Variants in LCT observed in about 807,000 individuals in gnomAD.
LCT encodes the protein lactase/phlorizin hydrolase.
A neutral mutation model predicts 173.0 loss-of-function variants in LCT; 90 were observed. The ratio of observed to expected loss-of-function variants is 0.52; its 90% CI spans 0.44 to 0.62. LCT has a LOEUF of 0.62. LCT is among the 20% of genes least tolerant of loss of function. LCT has a pLI of 0.00. For missense variants in LCT, 1,864 were observed against 2,431.4 expected (o/e 0.77, Z 4.91); for synonymous variants, 853 against 957.6 (o/e 0.89, Z 2.02).
In LCT at chr2:135,836,749, G is replaced by C. The variant is rs571532353; in HGVS notation, c.421C>G (p.Leu141Val). 1.9e-6 allele frequency: 3 copies of C among 1,614,080 alleles called. No homozygotes were observed. Among genetic ancestry groups the C allele is most frequent in the East Asian group, 4.5e-5 (2 of 44,892 alleles). Reference protein sequence around the residue: ...LHHQTLPASTLRRTEAFADLF... With the variant: ...LHHQTLPASTVRRTEAFADLF... ...TCAGCAAAGGCTTCGGTTCTCCGGA[G>C]GGTGCTGGCAGGGAGGGTCTGGTGG... The change falls in exon 1 of 17, where the codon CTC becomes GTC. Residue 141 changes from leucine (L) to valine (V), a missense_variant. By Grantham distance (32) the Leu-to-Val change is conservative. Transcript: ENST00000264162.
Position 135,788,408 on chromosome 2 carries a change from A to T in LCT, c.5700T>A (p.Phe1900Leu), listed in dbSNP as rs1323680155. ...AGCGCTTGCAGTACTTGTATGACAG[A>T]AATGCCAAGCCACAGACTCCAAGAA... ...LVLLGVCGLA[F>L]LSYKYCKRSK... Residue 1900 changes from phenylalanine to leucine, a missense_variant, in exon 17 of 17, where the codon TTT becomes TTA. Phe to Leu is a conservative substitution (Grantham distance 22). Transcript: ENST00000264162. 6.2e-7 allele frequency: 1 copy of T among 1,614,166 alleles called. No homozygotes were observed.
At chr2:135,795,213 A>ATTT (rs5834447) in intron 13 of LCT, among the ~76,000 whole-genome samples, 1 of 147,518 alleles carries the variant, frequency 6.8e-6, no homozygotes, top group South Asian at 2.1e-4. Context: ...ATCTTGTATA[A>ATTT]TTTTTTTTTT....
At chr2:135,795,273 T>C (rs2105521145) in intron 13 of LCT, among the ~76,000 whole-genome samples, 1 of 152,122 alleles carries the variant, frequency 6.6e-6, no homozygotes, top group South Asian at 2.1e-4. Context: ...AGTGGCGCGA[T>C]CTCAGCTCAC....
rs1435848302 is a variant in LCT, at chr2:135,817,681, G to C, written c.1367C>G (p.Ser456Cys). ...CCCCATGGGGAAGATCCGGGACCAGGAGATGGAGAACTTGTACACCTGAGC... is the reference window on the plus strand; with the variant it reads ...CCCCATGGGGAAGATCCGGGACCAGCAGATGGAGAACTTGTACACCTGAGC... ...LRAQVYKFSI[S>C]WSRIFPMGHG... The change falls in exon 6 of 17, where the codon TCC becomes TGC. Residue 456 changes from serine (S) to cysteine (C), a missense_variant. Coordinates refer to ENST00000264162, the MANE Select transcript of LCT (RefSeq NM_002299.4). The C allele has an allele frequency of 1.9e-6, 3 of 1,613,958 alleles. No individual in the cohort carries two copies. The highest frequency in any genetic ancestry group is 3.3e-5 in the Admixed American group (2 of 60,018).
chr2:135,836,708 A>G lies in LCT; in HGVS notation c.462T>C (p.Tyr154=). ...CGAAGGAGTGGAAGGCGAATGTGGC[A>G]TAGTCGGCGAAGAGGTCAGCAAAGG... The part of the protein sequence containing the change: ...TEAFADLFAD[Y]ATFAFHSFGD... The change falls in exon 1 of 17, where the codon TAT becomes TAC. Residue 154 remains tyrosine, a synonymous_variant. Coordinates refer to ENST00000264162, the MANE Select transcript of LCT (RefSeq NM_002299.4). 2 of 1,614,192 alleles carry G rather than the reference A, an allele frequency of 1.2e-6. No homozygotes were observed. Among genetic ancestry groups the G allele is most frequent in the Non-Finnish European group, 1.7e-6 (2 of 1,180,024 alleles).
chr2:135,832,076 C>T (rs934808405), intron 2 of LCT, among the ~76,000 whole-genome samples: 15 of 151,924 alleles, frequency 9.9e-5, no homozygotes, highest in South Asian at 2.1e-4. Flanking sequence ...ATTAGCCGGG[C>T]GTGGTGGTGC....
rs748568703 is a variant in LCT at position 135,808,984 on chromosome 2, C to T, written c.3363G>A (p.Ser1121=). 20 of 1,611,208 alleles carry T rather than the reference C, an allele frequency of 1.2e-5. No individual in the cohort carries two copies. The East Asian group carries it at 3.6e-4, about 29-fold the overall frequency. The change falls in exon 8 of 17, where the codon TCG becomes TCA. Residue 1121 remains serine, a synonymous_variant. Transcript: ENST00000264162. ...CTGCCCAGTGTGTACTGAGGCTCAG[C>T]GAGATGACCCCCTTCTGCTCCTGCC... is the stretch of plus-strand genomic sequence containing the variant. The part of the protein sequence containing the change: ...KYRQEQKGVI[S]LSLSTHWAEP...
intron 1 of LCT, 62 bp from the exon 2 acceptor site, chr2:135,833,252 A>G: frequency 1.8e-6 from 2 of 1,130,360 alleles, no homozygotes; most frequent in South Asian, 1.2e-5. Flanking sequence ...GACTGTGGAA[A>G]CCACTGGGGG....
intron 10 of LCT, 61 bp downstream of exon 10, chr2:135,804,706 C>A (rs2077654286): frequency 2.7e-6 from 4 of 1,464,106 alleles, no homozygotes; most frequent in Non-Finnish European, 3.8e-6. Context: ...AAATGTGCTC[C>A]CCCAGCCCTG....
intron 6 of LCT, among the ~76,000 whole-genome samples, chr2:135,815,649 C>T (rs2077774364): frequency 6.6e-6 from 1 of 151,956 alleles, no homozygotes; most frequent in South Asian, 2.1e-4. Context: ...GCTGTGACCC[C>T]TCTTTAACAC....
chr2:135,834,131 T>A (rs1241517599), intron 1 of LCT, among the ~76,000 whole-genome samples: 1 of 152,188 alleles, frequency 6.6e-6, no homozygotes, highest in Non-Finnish European at 1.5e-5. Context: ...AGTGGATATC[T>A]GGGTTGCTTC....
intron 9 of LCT, among the ~76,000 whole-genome samples, chr2:135,805,781 T>C (rs1047902110): frequency 4.6e-5 from 7 of 152,234 alleles, no homozygotes; most frequent in African/African-American, 1.4e-4. Flanking sequence ...TCCTATTGCC[T>C]AGTGCTTTGC....
chr2:135,791,553 C>G (rs1678398803), intron 14 of LCT, among the ~76,000 whole-genome samples: 1 of 148,266 alleles, frequency 6.7e-6, no homozygotes, highest in South Asian at 2.3e-4. Context: ...ACACTCAGAT[C>G]TTTCAGGGAA....
Position 135,825,706 on chromosome 2 carries a change from G to A in LCT, c.805-1703C>T, listed in dbSNP as rs563502258. Among the ~76,000 whole-genome samples, 8 of 152,334 alleles carry A rather than the reference G, an allele frequency of 5.3e-5. No homozygotes were observed. The East Asian group carries it at 5.8e-4, about 11-fold the overall frequency. On this transcript the variant is annotated intron_variant, in intron 3 of 16. Transcript: ENST00000264162. ...TCAGGCCCTCAGACAGCTGTGTGCC[G>A]TTGGGGAGTGGCCGCTGAGGGCCCC... is the stretch of plus-strand genomic sequence containing the variant.
intron 13 of LCT, among the ~76,000 whole-genome samples, chr2:135,795,795 C>T (rs150653183): frequency 1.6e-3 from 246 of 151,742 alleles, no homozygotes; most frequent in African/African-American, 4.8e-3. Context: ...GGACACTGCA[C>T]GCCCCCTGAG....
intron 12 of LCT, 142 bp downstream of exon 12, chr2:135,800,465 T>C: frequency 1.3e-6 from 1 of 755,750 alleles, no homozygotes. Context: ...CCTCAAGAAA[T>C]CCTCCTGCCT....
chr2:135,789,176 T>C (rs1335275839), intron 16 of LCT, among the ~76,000 whole-genome samples: 3 of 152,272 alleles, frequency 2.0e-5, no homozygotes, highest in Non-Finnish European at 4.4e-5. Context: ...TAGTGATTTA[T>C]ACTCTTACAT....
At position 135,800,684 on chromosome 2, in the gene LCT, T is replaced by C. The variant is rs770067009; in HGVS notation, c.4789A>G (p.Thr1597Ala). Residue 1597 changes from threonine to alanine, a missense_variant, in exon 12 of 17, where the codon ACC becomes GCC. Coordinates refer to ENST00000264162, the MANE Select transcript of LCT (RefSeq NM_002299.4). ...GGTTCAGCCCAGTCACTGCTGATGGTGATGGAAATCACGCCACCTTGACTG... is the reference window on the plus strand; with the variant it reads ...GGTTCAGCCCAGTCACTGCTGATGGCGATGGAAATCACGCCACCTTGACTG... Reference protein sequence around the residue: ...RASQGGVISITISSDWAEPRD... With the variant: ...RASQGGVISIAISSDWAEPRD... 6.2e-7 allele frequency: 1 copy of C among 1,613,746 alleles called. No individual in the cohort carries two copies. The highest frequency in any genetic ancestry group is 8.5e-7 in the Non-Finnish European group (1 of 1,180,016).
At position 135,837,107 on chromosome 2, in the gene LCT, G is replaced by A; in HGVS notation, c.63C>T (p.Asp21=). 1 of 1,614,004 alleles carries A rather than the reference G, an allele frequency of 6.2e-7. No homozygotes were observed. Among genetic ancestry groups the A allele is most frequent in the Non-Finnish European group, 8.5e-7 (1 of 1,179,950 alleles). ...AAATGAAATTTCTATCAGACTCCCA[G>A]TCTGACCCCCAGCATGAAAAACTTA... ...ALLSFSCWGS[D]WESDRNFIST... Residue 21 remains aspartate, a synonymous_variant, in exon 1 of 17, where the codon GAC becomes GAT. Transcript: ENST00000264162.
Sources: gnomAD v4.1 joint callset for allele counts (sites outside exome capture counted in the v4.1 genomes callset) on GRCh38, gnomAD v4.1.1 for gene constraint, MANE v1.5 for transcripts, NCBI Gene and HGNC (gene_info 2026-07-23, HGNC 2026-07-21) for gene names.